Variants in DAAM1 observed in about 807,000 individuals in gnomAD.
DAAM1 encodes the protein disheveled-associated activator of morphogenesis 1.
A neutral mutation model predicts 130.0 loss-of-function variants in DAAM1; 52 were observed. The ratio of observed to expected loss-of-function variants is 0.40; its 90% CI spans 0.32 to 0.50. The LOEUF is 0.50. DAAM1 is among the 20% of genes least tolerant of loss of function. The probability of loss-of-function intolerance (pLI) is 0.61; values close to 1 mark genes in which losing one functional copy is unlikely to be tolerated. For synonymous variants in DAAM1, 452 were observed against 444.5 expected (o/e 1.02, Z -0.21); for missense variants, 1,134 against 1,303.8 (o/e 0.87, Z 2.01).
Position 59,326,059 on chromosome 14 carries a change from C to T in DAAM1, c.1156C>T (p.His386Tyr), listed in dbSNP as rs1885191400. 1.2e-6 allele frequency: 2 copies of T among 1,614,004 alleles called. No homozygotes were observed. Among genetic ancestry groups the T allele is most frequent in the African/African-American group, 1.3e-5 (1 of 74,930 alleles). ...CCCGCATTTCATGTCCATCCTGCAC[C>T]ACTGCCTCCAAATGCCTTGTAAGTG... ...AYPHFMSILH[H>Y]CLQMPYKRSG... The change falls in exon 10 of 25, where the codon CAC becomes TAC. Residue 386 changes from histidine to tyrosine, a missense_variant. His to Tyr is a moderately conservative substitution (Grantham distance 83). Around this residue, in one of 3 missense-constraint regions of DAAM1, gnomAD observed 391 missense variants for 521.6 expected, o/e 0.75. Transcript: ENST00000360909.
At chr14:59,277,520 A>G (rs1285262817) in intron 2 of DAAM1, among the ~76,000 whole-genome samples, 1 of 150,512 alleles carries the variant, frequency 6.6e-6, no homozygotes, top group East Asian at 1.9e-4. Context: ...TATGTAAAAT[A>G]TATAAATATA....
intron 1 of DAAM1, among the ~76,000 whole-genome samples, chr14:59,232,817 T>TG (rs1462332643): frequency 2.0e-5 from 3 of 151,910 alleles, no homozygotes. Flanking sequence ...CAACAGCCCC[T>TG]GGTGTATGTT....
At chr14:59,251,526 G>T (rs777416908) in intron 1 of DAAM1, among the ~76,000 whole-genome samples, 1 of 151,800 alleles carries the variant, frequency 6.6e-6, no homozygotes, top group Non-Finnish European at 1.5e-5. Flanking sequence ...AGGGAGGTCG[G>T]GCAAGTTCTG....
At chr14:59,288,829 GCAGGAGA>G (rs1484788869) in intron 2 of DAAM1, among the ~76,000 whole-genome samples, 43 of 97,800 alleles carry the variant, frequency 4.4e-4, no homozygotes, top group African/African-American at 1.4e-3. Flanking sequence ...TCCTGTGATA[GCAGGAGA>G]GAGAGAGAGA....
intron 23 of DAAM1, among the ~76,000 whole-genome samples, chr14:59,364,296 G>A (rs536926928): frequency 6.6e-6 from 1 of 151,732 alleles, no homozygotes; most frequent in Non-Finnish European, 1.5e-5. Flanking sequence ...CGCTAAAAGA[G>A]ATGCATTTTA....
chr14:59,306,775 G>A (rs1017915805), intron 3 of DAAM1, among the ~76,000 whole-genome samples: 1 of 152,026 alleles, frequency 6.6e-6, no homozygotes. Context: ...AGAGGACCAA[G>A]TGCTCCCTTC....
intron 15 of DAAM1, among the ~76,000 whole-genome samples, chr14:59,335,706 T>C (rs1358769132): frequency 6.6e-6 from 1 of 152,024 alleles, no homozygotes; most frequent in African/African-American, 2.4e-5. Flanking sequence ...TGTCATCACA[T>C]TGTAAAACTT....
At chr14:59,225,319 C>T (rs1246780381) in intron 1 of DAAM1, among the ~76,000 whole-genome samples, 1 of 152,128 alleles carries the variant, frequency 6.6e-6, no homozygotes, top group African/African-American at 2.4e-5. Flanking sequence ...AGCCACCGTG[C>T]CCAACCATAA....
At chr14:59,303,068 T>G (rs1412902992) in intron 3 of DAAM1, among the ~76,000 whole-genome samples, 1 of 152,234 alleles carries the variant, frequency 6.6e-6, no homozygotes, top group African/African-American at 2.4e-5. Context: ...CCCTCCGTGG[T>G]TGTCACAGAA....
At chr14:59,360,147 G>A (rs1457989688) in intron 21 of DAAM1, among the ~76,000 whole-genome samples, 1 of 152,106 alleles carries the variant, frequency 6.6e-6, no homozygotes, top group Non-Finnish European at 1.5e-5. Flanking sequence ...ATTAAATGAA[G>A]TATTGGTGAG....
At chr14:59,200,692 G>A (rs970460251) in intron 1 of DAAM1, among the ~76,000 whole-genome samples, 2 of 152,148 alleles carry the variant, frequency 1.3e-5, no homozygotes, top group East Asian at 1.9e-4. Flanking sequence ...ACGTTCCTTC[G>A]CAGTTGGATA....
intron 1 of DAAM1, among the ~76,000 whole-genome samples, chr14:59,228,068 A>G (rs541745271): frequency 1.3e-5 from 2 of 152,224 alleles, no homozygotes; most frequent in African/African-American, 2.4e-5. Flanking sequence ...CTGGAATTAC[A>G]TGTTTCAACC....
At chr14:59,367,678 A>G in intron 24 of DAAM1, 79 bp downstream of exon 24, 1 of 1,491,384 alleles carries the variant, frequency 6.7e-7, no homozygotes, top group Non-Finnish European at 8.9e-7. Context: ...TTTAGAGAGC[A>G]CTCTGACCTG....
chr14:59,265,479 A>C (rs1483110336), intron 2 of DAAM1: 3 of 152,246 alleles, frequency 2.0e-5, no homozygotes, highest in Non-Finnish European at 4.4e-5. Flanking sequence ...GAGATCCATT[A>C]TGAAGAAGGT....
At chr14:59,295,916 C>T (rs1883939435) in intron 3 of DAAM1, among the ~76,000 whole-genome samples, 1 of 152,106 alleles carries the variant, frequency 6.6e-6, no homozygotes, top group South Asian at 2.1e-4. Flanking sequence ...CATTGGATTT[C>T]CAGGGACCCA....
intron 1 of DAAM1, among the ~76,000 whole-genome samples, chr14:59,215,624 A>G (rs917020896): frequency 1.3e-5 from 2 of 152,012 alleles, no homozygotes; most frequent in African/African-American, 4.8e-5. Flanking sequence ...TTCATAATCC[A>G]CCACAGTAGT....
intron 2 of DAAM1, chr14:59,265,067 T>C (rs181060662): frequency 1.3e-3 from 193 of 152,366 alleles, no homozygotes; most frequent in African/African-American, 4.4e-3. Context: ...GAGAATACTA[T>C]TCATTTTGCA....
intron 23 of DAAM1, among the ~76,000 whole-genome samples, 178 bp from the exon 24 acceptor site, chr14:59,367,251 G>A (rs1398489718): frequency 1.3e-5 from 2 of 152,142 alleles, no homozygotes; most frequent in Non-Finnish European, 2.9e-5. Flanking sequence ...TCATGCCACT[G>A]CACTCCAGCC....
chr14:59,230,620 G>T (rs2139443345), intron 1 of DAAM1, among the ~76,000 whole-genome samples: 1 of 152,198 alleles, frequency 6.6e-6, no homozygotes, highest in East Asian at 1.9e-4. Context: ...CTTGGAGGGA[G>T]TGGGGAAAGT....
Sources: allele counts gnomAD v4.1 joint callset (sites outside exome capture counted in the v4.1 genomes callset), GRCh38; gene constraint gnomAD v4.1.1; regional missense constraint gnomAD v4.1.1; transcripts MANE v1.5; gene names NCBI Gene and HGNC (gene_info 2026-07-23, HGNC 2026-07-21).